The following NELL1 variants were observed in gnomAD, a reference collection of about 807,000 sequenced individuals.
NELL1 encodes the protein protein kinase C-binding protein NELL1.
Under a neutral mutation model 107.4 loss-of-function variants are expected in NELL1, and 76 were observed. The ratio of observed to expected loss-of-function variants is 0.71; its 90% CI spans 0.59 to 0.86. NELL1 has a LOEUF of 0.86. Ranked by LOEUF, NELL1 falls within the 40% of genes least tolerant of loss-of-function variation. The pLI, the probability that NELL1 is intolerant of heterozygous loss-of-function variation, is 0.00. For synonymous variants in NELL1, 353 were observed against 341.2 expected, an observed-to-expected ratio of 1.03 and a Z score of -0.38; for missense variants, 1,024 against 1,005.5, an observed-to-expected ratio of 1.02 and a Z score of -0.25.
At chr11:21,276,477 G>A (rs1325783748) in intron 14 of NELL1, among the ~76,000 whole-genome samples, 1 of 152,130 alleles carries the variant, frequency 6.6e-6, no homozygotes, top group Non-Finnish European at 1.5e-5. Flanking sequence ...ACTGCCCAAG[G>A]TAATTTATAG....
intron 12 of NELL1, among the ~76,000 whole-genome samples, chr11:21,014,461 G>T (rs990929010): frequency 6.6e-6 from 1 of 152,086 alleles, no homozygotes; most frequent in Non-Finnish European, 1.5e-5. Flanking sequence ...GCCCAGTAAT[G>T]CTGGCATTCC....
At chr11:21,103,973 T>C (rs1590639132) in intron 12 of NELL1, among the ~76,000 whole-genome samples, 2 of 152,198 alleles carry the variant, frequency 1.3e-5, no homozygotes, top group Non-Finnish European at 2.9e-5. Flanking sequence ...CCCACTGACA[T>C]TTGGAAACTT....
At chr11:21,509,397 A>G (rs1855379113) in intron 15 of NELL1, among the ~76,000 whole-genome samples, 1 of 152,212 alleles carries the variant, frequency 6.6e-6, no homozygotes, top group South Asian at 2.1e-4. Flanking sequence ...GCATGTATAA[A>G]AGAACATATG....
intron 2 of NELL1, among the ~76,000 whole-genome samples, chr11:20,718,959 T>G (rs2133905849): frequency 6.6e-6 from 1 of 152,300 alleles, no homozygotes; most frequent in Admixed American, 6.5e-5. Context: ...CAGGGCAGCC[T>G]TTATGTAGAA....
intron 14 of NELL1, among the ~76,000 whole-genome samples, chr11:21,340,681 A>G (rs1016882632): frequency 1.4e-4 from 21 of 151,996 alleles, no homozygotes; most frequent in Non-Finnish European, 1.0e-4. Context: ...AGAATGAGAG[A>G]GAGAGAGAAC....
At chr11:20,908,906 C>T (rs1216785871) in intron 5 of NELL1, among the ~76,000 whole-genome samples, 2 of 152,016 alleles carry the variant, frequency 1.3e-5, no homozygotes, top group East Asian at 3.9e-4. Context: ...ATTCAAAATA[C>T]ACAAAAGATG....
chr11:21,431,469 T>C (rs908881193), intron 15 of NELL1, among the ~76,000 whole-genome samples: 2 of 152,196 alleles, frequency 1.3e-5, no homozygotes, highest in African/African-American at 4.8e-5. Context: ...TAGCACTTTG[T>C]AGGAGCTCAA....
At chr11:20,789,222 C>T (rs1297350820) in intron 3 of NELL1, among the ~76,000 whole-genome samples, 1 of 152,182 alleles carries the variant, frequency 6.6e-6, no homozygotes, top group Non-Finnish European at 1.5e-5. Flanking sequence ...GCCTAGGTGT[C>T]ATGCCTCCAA....
At chr11:21,530,343 G>A (rs1187310787) in intron 15 of NELL1, among the ~76,000 whole-genome samples, 1 of 152,094 alleles carries the variant, frequency 6.6e-6, no homozygotes, top group Non-Finnish European at 1.5e-5. Context: ...CAATAGGAAA[G>A]AGATTAGATG....
intron 12 of NELL1, among the ~76,000 whole-genome samples, chr11:21,006,486 T>G (rs1207261947): frequency 7.2e-5 from 11 of 152,140 alleles, no homozygotes; most frequent in Admixed American, 7.2e-4. Flanking sequence ...GAAAACATAT[T>G]AAGACAGGAT....
chr11:20,817,911 A>G (rs924929895), intron 3 of NELL1, among the ~76,000 whole-genome samples: 2 of 151,384 alleles, frequency 1.3e-5, no homozygotes, highest in African/African-American at 4.9e-5. Flanking sequence ...ATTTCCATGT[A>G]GTTGTATGAT....
At chr11:20,725,089 A>T (rs998651546) in intron 2 of NELL1, among the ~76,000 whole-genome samples, 2 of 152,296 alleles carry the variant, frequency 1.3e-5, no homozygotes, top group East Asian at 3.9e-4. Context: ...ACATGTGGGG[A>T]TTATAATTTG....
intron 2 of NELL1, among the ~76,000 whole-genome samples, chr11:20,704,387 C>T (rs545197802): frequency 6.6e-6 from 1 of 152,086 alleles, no homozygotes; most frequent in Admixed American, 6.6e-5. Context: ...TTATTTTGAG[C>T]CTATGTGTGT....
intron 2 of NELL1, among the ~76,000 whole-genome samples, chr11:20,778,969 C>T (rs189941567): frequency 5.9e-5 from 9 of 152,144 alleles, no homozygotes; most frequent in Non-Finnish European, 1.2e-4. Flanking sequence ...TTCTCTCTCT[C>T]TCTGCTGCAT....
At chr11:21,410,201 CA>C (rs1292820409) in intron 15 of NELL1, among the ~76,000 whole-genome samples, 2 of 152,018 alleles carry the variant, frequency 1.3e-5, no homozygotes, top group Non-Finnish European at 2.9e-5. Flanking sequence ...CATGTAGACA[CA>C]AAAAAACAAA....
chr11:20,762,496 T>C (rs1856443321), intron 2 of NELL1, among the ~76,000 whole-genome samples: 1 of 152,132 alleles, frequency 6.6e-6, no homozygotes, highest in Admixed American at 6.5e-5. Flanking sequence ...AAAGATAAAA[T>C]AGTTATTATT....
chr11:21,282,189 G>C (rs748708598), intron 14 of NELL1, among the ~76,000 whole-genome samples: 2 of 152,042 alleles, frequency 1.3e-5, no homozygotes, highest in Non-Finnish European at 2.9e-5. Flanking sequence ...ATGAGCAAAA[G>C]ATCTGAATAG....
At chr11:20,816,781 A>G (rs1166544519) in intron 3 of NELL1, among the ~76,000 whole-genome samples, 1 of 152,192 alleles carries the variant, frequency 6.6e-6, no homozygotes, top group Non-Finnish European at 1.5e-5. Context: ...TTGGTTTGTC[A>G]TAGATGGCTC....
chr11:21,034,346 G>C (rs1590564945), intron 12 of NELL1, among the ~76,000 whole-genome samples: 2 of 152,180 alleles, frequency 1.3e-5, no homozygotes, highest in East Asian at 3.9e-4. Flanking sequence ...TCTGGGTTCT[G>C]TATTCTGTTC....
Sources: allele counts gnomAD v4.1 joint callset (sites outside exome capture counted in the v4.1 genomes callset), GRCh38; gene constraint gnomAD v4.1.1; transcripts MANE v1.5; gene names NCBI Gene and HGNC (gene_info 2026-07-23, HGNC 2026-07-21).